FAM117B: variants seen among roughly 807,000 people sequenced by gnomAD.
FAM117B encodes family with sequence similarity 117 member B.
Under a neutral mutation model 52.8 loss-of-function variants are expected in FAM117B, and 22 were observed. That is an observed-to-expected ratio of 0.42 (90% CI 0.30 to 0.59). The LOEUF (loss-of-function observed/expected upper bound fraction) is 0.59. Ranked by LOEUF, FAM117B falls within the 20% of genes least tolerant of loss-of-function variation. The pLI is 0.22. For missense variants in FAM117B, 678 were observed against 802.6 expected (o/e 0.84, Z 1.88); for synonymous variants, 309 against 324.1 (o/e 0.95, Z 0.50).
In FAM117B at chr2:202,635,481, C is replaced by T; in HGVS notation, c.294C>T (p.Gly98=). ...GCAGCACCAGCCCCACGCGCGGCGG[C>T]GGGAACGCGGCCGCGCGCACCAGCC... is the stretch of plus-strand genomic sequence containing the variant. ...ASRSTSPTRG[G]GNAAARTSPT... The change falls in exon 1 of 8, where the codon GGC becomes GGT. Residue 98 remains glycine, a synonymous_variant. Transcript: ENST00000392238. The T allele has an allele frequency of 2.9e-6, 3 of 1,036,386 alleles. No individual in the cohort carries two copies. Among genetic ancestry groups the T allele is most frequent in the Non-Finnish European group, 2.3e-6 (2 of 866,026 alleles). The allele number at this position is 1,036,386 out of a possible 1,614,324, so 64.2% of individuals were successfully genotyped here.
chr2:202,650,711 C>T (rs1240897228), intron 1 of FAM117B, among the ~76,000 whole-genome samples: 1 of 152,112 alleles, frequency 6.6e-6, no homozygotes, highest in East Asian at 1.9e-4. Flanking sequence ...TGGTGTAAAT[C>T]CAAGAGTCCA....
chr2:202,724,905 T>G lies in FAM117B; in HGVS notation c.754-12T>G. Reference sequence around the variant, plus strand: ...TTTTGTTAAATACACCTCCCCTCTTTTTTCATTACAGACAGAGAGTGCATG... The same window carrying G: ...TTTTGTTAAATACACCTCCCCTCTTGTTTCATTACAGACAGAGAGTGCATG... On this transcript the variant is annotated splice_polypyrimidine_tract_variant and intron_variant, in intron 2 of 7. Coordinates refer to ENST00000392238, the MANE Select transcript of FAM117B (RefSeq NM_173511.4). 1 of 1,586,102 alleles carries G rather than the reference T, an allele frequency of 6.3e-7. No individual in the cohort carries two copies. The highest frequency in any genetic ancestry group is 8.6e-7 in the Non-Finnish European group (1 of 1,166,522).
chr2:202,735,583 A>G (rs772247373), intron 4 of FAM117B, among the ~76,000 whole-genome samples: 1 of 152,164 alleles, frequency 6.6e-6, no homozygotes, highest in Non-Finnish European at 1.5e-5. Flanking sequence ...TCACATTTCA[A>G]AGGTTTCCCC....
At chr2:202,713,174 G>T (rs1032135710) in intron 2 of FAM117B, among the ~76,000 whole-genome samples, 1 of 152,080 alleles carries the variant, frequency 6.6e-6, no homozygotes, top group Non-Finnish European at 1.5e-5. Context: ...TTTCTTTGCC[G>T]GGGTGCTTTT....
chr2:202,638,860 A>G (rs990139983), intron 1 of FAM117B, among the ~76,000 whole-genome samples: 1 of 152,228 alleles, frequency 6.6e-6, no homozygotes, highest in Non-Finnish European at 1.5e-5. Context: ...TTATTAAGTC[A>G]TACTCTAGTT....
At chr2:202,665,993 G>A (rs1690200104) in intron 1 of FAM117B, among the ~76,000 whole-genome samples, 1 of 152,184 alleles carries the variant, frequency 6.6e-6, no homozygotes, top group Non-Finnish European at 1.5e-5. Context: ...CACTGGTAGT[G>A]ACTTATTGAT....
At chr2:202,635,876 C>G (rs1284960063) in intron 1 of FAM117B, 88 bp downstream of exon 1, 2 of 1,244,482 alleles carry the variant, frequency 1.6e-6, no homozygotes, top group East Asian at 3.3e-5. Context: ...GACTGCAGAG[C>G]TGCCGCGGAG....
Position 202,768,249 on chromosome 2 carries a change from A to G in FAM117B, c.*2485A>G, listed in dbSNP as rs1692014818. Reference sequence around the variant, plus strand: ...TTTTCCCTTTTGCTCTGTTGTGCCTATTTGTCTAATTCATATCTTTCTGTG... The same window carrying G: ...TTTTCCCTTTTGCTCTGTTGTGCCTGTTTGTCTAATTCATATCTTTCTGTG... On this transcript the variant is annotated 3_prime_UTR_variant, in exon 8 of 8. Transcript: ENST00000392238. 1 of 152,128 alleles carries G rather than the reference A, an allele frequency of 6.6e-6. No individual in the cohort carries two copies. Among genetic ancestry groups the G allele is most frequent in the Non-Finnish European group, 1.5e-5 (1 of 68,014 alleles). 9.4% of individuals were successfully genotyped at this position (152,128 alleles called of 1,614,324 possible).
At chr2:202,671,900 A>G (rs892864368) in intron 1 of FAM117B, among the ~76,000 whole-genome samples, 5 of 152,186 alleles carry the variant, frequency 3.3e-5, no homozygotes, top group Non-Finnish European at 5.9e-5. Context: ...TCTTCCAATC[A>G]ATGACTCAGA....
At chr2:202,718,501 C>G (rs1333585539) in intron 2 of FAM117B, among the ~76,000 whole-genome samples, 2 of 151,970 alleles carry the variant, frequency 1.3e-5, no homozygotes, top group Non-Finnish European at 2.9e-5. Context: ...CATATTATAT[C>G]AGTTGATTTT....
chr2:202,639,429 T>TA (rs746554434), intron 1 of FAM117B, among the ~76,000 whole-genome samples: 12 of 152,226 alleles, frequency 7.9e-5, no homozygotes, highest in Non-Finnish European at 1.3e-4. Flanking sequence ...GTCATCTCCA[T>TA]AGCAAAGCCG....
At chr2:202,659,156 C>T (rs1181242920) in intron 1 of FAM117B, among the ~76,000 whole-genome samples, 2 of 152,014 alleles carry the variant, frequency 1.3e-5, no homozygotes, top group Non-Finnish European at 2.9e-5. Context: ...CAGGCACGCA[C>T]CACCACACCC....
intron 1 of FAM117B, among the ~76,000 whole-genome samples, chr2:202,675,024 C>T (rs1040901160): frequency 6.6e-6 from 1 of 152,006 alleles, no homozygotes; most frequent in Non-Finnish European, 1.5e-5. Context: ...CACTTGAGAC[C>T]AGGAGTTCAA....
At chr2:202,655,347 T>C (rs1316994890) in intron 1 of FAM117B, among the ~76,000 whole-genome samples, 1 of 152,144 alleles carries the variant, frequency 6.6e-6, no homozygotes, top group Non-Finnish European at 1.5e-5. Flanking sequence ...TATACAGGTT[T>C]TTTTGGTGAA....
intron 1 of FAM117B, among the ~76,000 whole-genome samples, chr2:202,684,196 T>C (rs1690503731): frequency 6.6e-6 from 1 of 152,138 alleles, no homozygotes; most frequent in African/African-American, 2.4e-5. Flanking sequence ...ATTAGCAAGT[T>C]GAATCCAGCA....
chr2:202,713,061 A>G (rs745900634), intron 2 of FAM117B, among the ~76,000 whole-genome samples: 5 of 152,118 alleles, frequency 3.3e-5, no homozygotes, highest in Admixed American at 6.5e-5. Flanking sequence ...GAGTTTGGAA[A>G]TATTCCCTCC....
intron 2 of FAM117B, among the ~76,000 whole-genome samples, chr2:202,707,831 C>T (rs1690896598): frequency 6.6e-6 from 1 of 151,202 alleles, no homozygotes; most frequent in African/African-American, 2.4e-5. Context: ...TGCAGCAGTG[C>T]AATCTTGGCT....
At position 202,694,302 on chromosome 2, in the gene FAM117B, T is replaced by C. The variant is rs540172125; in HGVS notation, c.602-1579T>C. On this transcript the variant is annotated intron_variant, in intron 1 of 7. Coordinates refer to ENST00000392238, the MANE Select transcript of FAM117B (RefSeq NM_173511.4). Reference sequence around the variant, plus strand: ...AACTCTAGGATTCAAGCGATTCTCCTGCCTCAGCCTCCTCGGTAGCTGGGA... The same window carrying C: ...AACTCTAGGATTCAAGCGATTCTCCCGCCTCAGCCTCCTCGGTAGCTGGGA... Among the ~76,000 whole-genome samples, 10 of 150,306 alleles carry C rather than the reference T, an allele frequency of 6.7e-5. No homozygotes were observed. In the East Asian group the frequency reaches 1.4e-3, roughly 21 times the overall value.
chr2:202,680,539 GC>G (rs1690447383), intron 1 of FAM117B, among the ~76,000 whole-genome samples: 1 of 151,828 alleles, frequency 6.6e-6, no homozygotes, highest in Admixed American at 6.6e-5. Flanking sequence ...CCATACCAAG[GC>G]ACCATAATCA....
Sources: allele counts gnomAD v4.1 joint callset (sites outside exome capture counted in the v4.1 genomes callset), GRCh38; gene constraint gnomAD v4.1.1; transcripts MANE v1.5; gene names NCBI Gene and HGNC (gene_info 2026-07-23, HGNC 2026-07-21).